Variants in ZNF484 observed in about 807,000 individuals in gnomAD.
ZNF484 encodes zinc finger protein 484.
A neutral mutation model predicts 12.9 loss-of-function variants in ZNF484; 11 were observed. The ratio of observed to expected loss-of-function variants is 0.85; its 90% CI spans 0.54 to 1.41. The LOEUF is 1.41. Ranked by LOEUF, ZNF484 falls within the 40% of genes most tolerant of loss-of-function variation. ZNF484 has a pLI of 0.00. For missense variants in ZNF484, 807 were observed against 1,007.7 expected, an observed-to-expected ratio of 0.80 and a Z score of 2.70; for synonymous variants, 289 against 334.1, an observed-to-expected ratio of 0.86 and a Z score of 1.47.
Position 92,875,178 on chromosome 9 carries a change from C to T in ZNF484, c.-30-119G>A, listed in dbSNP as rs1449008036. 4 of 737,006 alleles carry T rather than the reference C, an allele frequency of 5.4e-6. No homozygotes were observed. The African/African-American group carries it at 7.2e-5, about 13-fold the overall frequency. 45.7% of individuals were successfully genotyped at this position (737,006 alleles called of 1,614,324 possible). On this transcript the variant is annotated intron_variant, in intron 1 of 4. Coordinates refer to ENST00000375495, the MANE Select transcript of ZNF484 (RefSeq NM_031486.4). ...ACTCAAAAATTTATTTCTGGAACTA[C>T]CACATTAAAATATCATCCCATCCCA...
At chr9:92,858,156 G>A (rs1290428013) in intron 2 of ZNF484, among the ~76,000 whole-genome samples, 1 of 152,158 alleles carries the variant, frequency 6.6e-6, no homozygotes, top group Non-Finnish European at 1.5e-5. Flanking sequence ...CAGAGAATTG[G>A]AGTTAGATGA....
At position 92,846,591 on chromosome 9, in the gene ZNF484, C is replaced by A. The variant is rs750411914; in HGVS notation, c.2196G>T (p.Lys732Asn). The A allele has an allele frequency of 6.2e-7, 1 of 1,613,048 alleles. No individual in the cohort carries two copies. Among genetic ancestry groups the A allele is most frequent in the South Asian group, 1.1e-5 (1 of 91,034 alleles). Residue 732 changes from lysine (K) to asparagine (N), a missense_variant, in exon 5 of 5, where the codon AAG (lysine) becomes AAT (asparagine). By Grantham distance (94) the Lys-to-Asn change is moderately conservative. Coordinates refer to ENST00000375495, the MANE Select transcript of ZNF484 (RefSeq NM_031486.4). ...TTCTCCTGTGTCTATTTAAGTGTGA[C>A]TTCTGGATGAAGGATTTCCCACATT... Reference protein sequence around the residue: ...CNECGKSFIQKSHLNRHRRIH... With the variant: ...CNECGKSFIQNSHLNRHRRIH...
At chr9:92,858,021 A>T (rs925790250) in intron 2 of ZNF484, among the ~76,000 whole-genome samples, 2 of 152,152 alleles carry the variant, frequency 1.3e-5, no homozygotes, top group African/African-American at 4.8e-5. Context: ...CCTCCCAGGT[A>T]TGAGCCCTGC....
rs180839133 is a variant in ZNF484 at position 92,868,239 on chromosome 9, T to C, written c.15+6776A>G. On this transcript the variant is annotated intron_variant, in intron 2 of 4. Coordinates refer to ENST00000375495, the MANE Select transcript of ZNF484 (RefSeq NM_031486.4). ...AACATGAGGACAATTCCTAGTATCATGTGGAAGGGACAGCCCATGCCAGTA... is the reference window on the plus strand; with the variant it reads ...AACATGAGGACAATTCCTAGTATCACGTGGAAGGGACAGCCCATGCCAGTA... 1.3e-3 allele frequency among the ~76,000 whole-genome samples: 203 copies of C among 152,324 alleles called. 2 individuals carry two copies. Among genetic ancestry groups the C allele is most frequent in the African/African-American group, 4.5e-3 (187 of 41,574 alleles).
intron 2 of ZNF484, among the ~76,000 whole-genome samples, chr9:92,869,990 TA>T (rs1857335680): frequency 6.6e-6 from 1 of 152,246 alleles, no homozygotes; most frequent in East Asian, 1.9e-4. Context: ...AGACTATGCT[TA>T]ATATATGAAG....
At chr9:92,860,380 A>G (rs1345962691) in intron 2 of ZNF484, among the ~76,000 whole-genome samples, 3 of 152,096 alleles carry the variant, frequency 2.0e-5, no homozygotes, top group Non-Finnish European at 4.4e-5. Context: ...AGGCAGGTGG[A>G]TCACGAGGTC....
At chr9:92,877,711 G>A in intron 1 of ZNF484, 179 bp downstream of exon 1, 9 of 1,425,796 alleles carry the variant, frequency 6.3e-6, no homozygotes, top group Non-Finnish European at 8.6e-6. Flanking sequence ...TCCGCCTGCA[G>A]ATCCACCACC....
At chr9:92,874,582 G>A (rs1857679154) in intron 2 of ZNF484, among the ~76,000 whole-genome samples, 1 of 152,052 alleles carries the variant, frequency 6.6e-6, no homozygotes, top group Non-Finnish European at 1.5e-5. Flanking sequence ...AAAGTGCTGG[G>A]ACTACAGGTG....
chr9:92,849,745 C>T (rs747586383), intron 4 of ZNF484, among the ~76,000 whole-genome samples: 3 of 151,876 alleles, frequency 2.0e-5, no homozygotes, highest in East Asian at 3.9e-4. Context: ...GAGCTCTGAT[C>T]GCACCATTAC....
At position 92,847,386 on chromosome 9, in the gene ZNF484, G is replaced by A; in HGVS notation, c.1401C>T (p.Pro467=). The A allele has an allele frequency of 6.2e-7, 1 of 1,613,624 alleles. No homozygotes were observed. Among genetic ancestry groups the A allele is most frequent in the East Asian group, 2.2e-5 (1 of 44,824 alleles). The part of the protein sequence containing the change: ...VHQRIHTGEN[P]FICSECGKVF... ...CCTTCCCACATTCTGAACATATAAAGGGATTCTCTCCTGTGTGAATTCGCT... is the reference window on the plus strand; with the variant it reads ...CCTTCCCACATTCTGAACATATAAAAGGATTCTCTCCTGTGTGAATTCGCT... The change falls in exon 5 of 5, where the codon CCC becomes CCT. Residue 467 remains proline (P), a synonymous_variant. Transcript: ENST00000375495.
At position 92,846,143 on chromosome 9, in the gene ZNF484, A is replaced by G; in HGVS notation, c.*85T>C. ...TATCAAGTAACCAAAGATGGCCACTATACATTGCTTAAACACTCTCAAAAG... is the reference window on the plus strand; with the variant it reads ...TATCAAGTAACCAAAGATGGCCACTGTACATTGCTTAAACACTCTCAAAAG... On this transcript the variant is annotated 3_prime_UTR_variant, in exon 5 of 5. Transcript: ENST00000375495. 1 of 1,412,128 alleles carries G rather than the reference A, an allele frequency of 7.1e-7. No homozygotes were observed. The highest frequency in any genetic ancestry group is 1.4e-5 in the South Asian group (1 of 72,604). The allele number at this position is 1,412,128 out of a possible 1,614,324, so 87.5% of individuals were successfully genotyped here. A position where few individuals can be genotyped will look rare whatever the true frequency, so the allele number is the denominator to read the frequency against.
rs201905733 is a variant in ZNF484, at chr9:92,874,976, G to T, written c.15+39C>A. 8.7e-6 allele frequency: 14 copies of T among 1,608,108 alleles called. No homozygotes were observed. In the African/African-American group the frequency reaches 1.7e-4, roughly 20 times the overall value. On this transcript the variant is annotated intron_variant, in intron 2 of 4. Transcript: ENST00000375495. ...CTCCTAAAATCCACTAAAAGTAAAAGAAAGCAACAAATAAACAGATGAACA... is the reference window on the plus strand; with the variant it reads ...CTCCTAAAATCCACTAAAAGTAAAATAAAGCAACAAATAAACAGATGAACA...
At chr9:92,867,670 T>C (rs1347228682) in intron 2 of ZNF484, among the ~76,000 whole-genome samples, 1 of 152,140 alleles carries the variant, frequency 6.6e-6, no homozygotes. Context: ...ATTAGAAAGA[T>C]CATTCAGAAG....
chr9:92,872,231 CAAAAA>C (rs59372760), intron 2 of ZNF484, among the ~76,000 whole-genome samples: 1 of 45,592 alleles, frequency 2.2e-5, no homozygotes, highest in African/African-American at 1.1e-4. Context: ...ATCTCTGCCT[CAAAAA>C]AAAAAAAAAA....
At position 92,846,512 on chromosome 9, in the gene ZNF484, T is replaced by TA. The variant is rs766965287; in HGVS notation, c.2274dup (p.Lys759Ter). 1.2e-6 allele frequency: 2 copies of TA among 1,614,104 alleles called. No individual in the cohort carries two copies. Among genetic ancestry groups the TA allele is most frequent in the Non-Finnish European group, 1.7e-6 (2 of 1,179,996 alleles). On this transcript the variant is annotated frameshift_variant, in exon 5 of 5. Transcript: ENST00000375495. LOFTEE classifies it low-confidence loss of function (END_TRUNC). Reference sequence around the variant, plus strand: ...TGATGCTCATGGAGTTGTGATTTCTTAATGAAAGACTTGCCACAGTCACTG... The same window carrying TA: ...TGATGCTCATGGAGTTGTGATTTCTTAAATGAAAGACTTGCCACAGTCACTG...
intron 4 of ZNF484, among the ~76,000 whole-genome samples, chr9:92,853,100 T>C (rs113366286): frequency 3.9e-5 from 6 of 152,292 alleles, no homozygotes; most frequent in African/African-American, 1.4e-4. Flanking sequence ...CACACAATGT[T>C]TTAAGTAGTG....
In ZNF484 at chr9:92,846,746, T is replaced by C; in HGVS notation, c.2041A>G (p.Ile681Val). The C allele has an allele frequency of 6.2e-7, 1 of 1,614,090 alleles. No homozygotes were observed. ...TCTCCAGTATGGGATTGCTGATGTA[T>C]ATGGAGACCTGACTTCCTAGTGAAG... ...KAFTRKSGLH[I>V]HQQSHTGERH... The change falls in exon 5 of 5, where the codon ATA becomes GTA. Residue 681 changes from isoleucine to valine, a missense_variant. Physicochemically the swap from Ile to Val is conservative, Grantham distance 29. Transcript: ENST00000375495.
At chr9:92,855,945 T>C (rs984952531) in intron 3 of ZNF484, 42 bp from the exon 4 acceptor site, 8 of 1,600,604 alleles carry the variant, frequency 5.0e-6, no homozygotes, top group Non-Finnish European at 6.0e-6. Flanking sequence ...TCAGAGGCCA[T>C]ACAATGAAGC....
At position 92,877,927 on chromosome 9, in the gene ZNF484, T is replaced by G. The variant is rs1857937817; in HGVS notation, c.-68A>C. The stretch of plus-strand genomic sequence containing the variant: ...CACGTCCTCTCAGGACAGTGGTCAT[T>G]TGCCTCGGGAGGTGACTATAGTCGC... On this transcript the variant is annotated 5_prime_UTR_variant, in exon 1 of 5. Coordinates refer to ENST00000375495, the MANE Select transcript of ZNF484 (RefSeq NM_031486.4). 3 of 1,507,804 alleles carry G rather than the reference T, an allele frequency of 2.0e-6. No homozygotes were observed. The highest frequency in any genetic ancestry group is 8.9e-7 in the Non-Finnish European group (1 of 1,122,480). The allele number at this position is 1,507,804 out of a possible 1,614,324, so 93.4% of individuals were successfully genotyped here.
Sources: allele counts gnomAD v4.1 joint callset (sites outside exome capture counted in the v4.1 genomes callset), GRCh38; gene constraint gnomAD v4.1.1; transcripts MANE v1.5; gene names NCBI Gene and HGNC (gene_info 2026-07-23, HGNC 2026-07-21).